Variants in LIPC observed in about 807,000 individuals in gnomAD.
The protein encoded by LIPC is hepatic triacylglycerol lipase.
LIPC carries 44 observed loss-of-function variants against 50.7 expected under a neutral mutation model. That is an observed-to-expected ratio of 0.87 (90% CI 0.68 to 1.11). The LOEUF (loss-of-function observed/expected upper bound fraction) is 1.11, where lower values mean the gene tolerates loss of function less well. Among genes scored for constraint, LIPC ranks in the 50% most tolerant of loss-of-function variants. The pLI is 0.00. For synonymous variants in LIPC, 271 were observed against 256.4 expected, an observed-to-expected ratio of 1.06 and a Z score of -0.54; for missense variants, 697 against 648.2, an observed-to-expected ratio of 1.08 and a Z score of -0.82.
At chr15:58,563,768 C>A in intron 8 of LIPC, 45 bp downstream of exon 8, 1 of 1,495,564 alleles carries the variant, frequency 6.7e-7, no homozygotes, top group Non-Finnish European at 9.2e-7. Flanking sequence ...TAAGCACCCA[C>A]TTGTGCCAGG....
intron 1 of LIPC, among the ~76,000 whole-genome samples, chr15:58,459,426 A>G (rs1254999557): frequency 5.5e-5 from 8 of 144,310 alleles, no homozygotes; most frequent in African/African-American, 2.1e-4. Flanking sequence ...TGTCCCTTAG[A>G]GAGCTCACAA....
intron 1 of LIPC, among the ~76,000 whole-genome samples, chr15:58,505,446 C>T (rs1892115762): frequency 6.6e-6 from 1 of 152,162 alleles, no homozygotes; most frequent in South Asian, 2.1e-4. Flanking sequence ...GGGCTCAACA[C>T]AAAGTGTGCT....
intron 1 of LIPC, among the ~76,000 whole-genome samples, chr15:58,468,018 T>C (rs369332726): frequency 1.3e-5 from 2 of 152,168 alleles, no homozygotes; most frequent in East Asian, 1.9e-4. Context: ...ACCCACTTCC[T>C]ATAAATGTTG....
At chr15:58,560,183 T>G (rs1225240856) in intron 6 of LIPC, among the ~76,000 whole-genome samples, 3 of 152,204 alleles carry the variant, frequency 2.0e-5, no homozygotes, top group East Asian at 1.9e-4. Context: ...CTGTATTAGG[T>G]AAAGAAGAAT....
chr15:58,568,956 G>A lies in LIPC; in HGVS notation c.*129G>A. On this transcript the variant is annotated 3_prime_UTR_variant, in exon 9 of 9. Transcript: ENST00000299022. Reference sequence around the variant, plus strand: ...CTTAAATAAAGTTTAGATTTAAGGGGGGTATGTTTCACTCTCATAAACTGA... The same window carrying A: ...CTTAAATAAAGTTTAGATTTAAGGGAGGTATGTTTCACTCTCATAAACTGA... The A allele has an allele frequency of 3.3e-6, 2 of 600,466 alleles. No individual in the cohort carries two copies. Among genetic ancestry groups the A allele is most frequent in the South Asian group, 4.5e-5 (2 of 44,150 alleles). 37.2% of individuals were successfully genotyped at this position (600,466 alleles called of 1,614,324 possible). A position where few individuals can be genotyped will look rare whatever the true frequency, so the allele number is the denominator to read the frequency against.
intron 1 of LIPC, among the ~76,000 whole-genome samples, chr15:58,481,174 C>G (rs1238784396): frequency 3.3e-5 from 5 of 152,186 alleles, no homozygotes; most frequent in African/African-American, 1.2e-4. Context: ...CGCTAAATAT[C>G]TTCCCATTTG....
rs773209112 is a variant in LIPC at position 58,548,449 on chromosome 15, C to A, written c.928C>A (p.Gln310Lys). 6.2e-7 allele frequency: 1 copy of A among 1,613,846 alleles called. No individual in the cohort carries two copies. Among genetic ancestry groups the A allele is most frequent in the Non-Finnish European group, 8.5e-7 (1 of 1,179,898 alleles). The change falls in exon 6 of 9, where the codon CAG (glutamine) becomes AAG (lysine). Residue 310 changes from glutamine to lysine, a missense_variant. Transcript: ENST00000299022. ...GTGTGGTGACATGAACAGCTTCAGC[C>A]AGGGCCTGTGCCTGAGCTGCAAGAA... ...YPCGDMNSFS[Q>K]GLCLSCKKGR...
intron 1 of LIPC, among the ~76,000 whole-genome samples, chr15:58,535,823 C>A (rs889561039): frequency 6.6e-6 from 1 of 152,208 alleles, no homozygotes; most frequent in Admixed American, 6.5e-5. Flanking sequence ...ATATGACCCT[C>A]TTAACATTTG....
chr15:58,501,090 C>T (rs1399733899), intron 1 of LIPC, among the ~76,000 whole-genome samples: 1 of 152,030 alleles, frequency 6.6e-6, no homozygotes, highest in Non-Finnish European at 1.5e-5. Flanking sequence ...CCTTTCACTC[C>T]CTCATTTGAT....
intron 1 of LIPC, among the ~76,000 whole-genome samples, chr15:58,448,630 C>T (rs1893787785): frequency 6.6e-6 from 1 of 152,220 alleles, no homozygotes; most frequent in Admixed American, 6.5e-5. Context: ...TGGGCCTTCA[C>T]CATATGCCAG....
At chr15:58,485,385 G>A (rs144125882) in intron 1 of LIPC, among the ~76,000 whole-genome samples, 73 of 152,300 alleles carry the variant, frequency 4.8e-4, no homozygotes, top group African/African-American at 1.7e-3. Context: ...TATTCACAGG[G>A]TCGGGAAGCA....
At chr15:58,480,156 C>T (rs772374015) in intron 1 of LIPC, among the ~76,000 whole-genome samples, 5 of 152,196 alleles carry the variant, frequency 3.3e-5, no homozygotes, top group South Asian at 2.1e-4. Context: ...TGAAATCTTA[C>T]GCATTCTTCA....
intron 1 of LIPC, among the ~76,000 whole-genome samples, chr15:58,485,186 G>A (rs552931543): frequency 9.8e-5 from 15 of 152,304 alleles, no homozygotes; most frequent in African/African-American, 3.1e-4. Context: ...AGAGGACGGC[G>A]GGGTTAAGCA....
intron 1 of LIPC, among the ~76,000 whole-genome samples, chr15:58,485,472 C>T (rs1595888237): frequency 6.6e-6 from 1 of 152,166 alleles, no homozygotes; most frequent in South Asian, 2.1e-4. Flanking sequence ...GTTCATCACT[C>T]CCCTGGCTCT....
At chr15:58,448,009 C>A (rs1448750608) in intron 1 of LIPC, among the ~76,000 whole-genome samples, 1 of 152,148 alleles carries the variant, frequency 6.6e-6, no homozygotes, top group Non-Finnish European at 1.5e-5. Context: ...TAAGTGGGAC[C>A]TAAAAAGTTA....
chr15:58,568,827 A>G lies in LIPC; in HGVS notation c.1500A>G (p.Ter500TrpextTer10). 6.5e-7 allele frequency: 1 copy of G among 1,550,208 alleles called. No individual in the cohort carries two copies. Among genetic ancestry groups the G allele is most frequent in the South Asian group, 1.1e-5 (1 of 88,584 alleles). ...KSKTSKRKIR[*>W] ...AAACATCAAAGCGAAAGATCAGATG[A>G]GATTTAATGAAGACCCAGTGTAAAG... Residue 500 changes from the stop codon to tryptophan, a stop_lost, in exon 9 of 9, where the codon TGA becomes TGG. Transcript: ENST00000299022.
chr15:58,451,660 C>T (rs1413745516), intron 1 of LIPC, among the ~76,000 whole-genome samples: 1 of 152,194 alleles, frequency 6.6e-6, no homozygotes, highest in African/African-American at 2.4e-5. Context: ...ATCAACTTTA[C>T]CCAAACAGGA....
intron 1 of LIPC, among the ~76,000 whole-genome samples, chr15:58,518,898 ACT>A (rs1485001381): frequency 6.6e-6 from 1 of 151,436 alleles, no homozygotes; most frequent in East Asian, 1.9e-4. Flanking sequence ...CATAATAGAC[ACT>A]CACAACACTC....
At chr15:58,552,645 C>T (rs1276227184) in intron 6 of LIPC, among the ~76,000 whole-genome samples, 1 of 152,220 alleles carries the variant, frequency 6.6e-6, no homozygotes, top group African/African-American at 2.4e-5. Context: ...CCTTGCTGGT[C>T]GGCGAGATGA....
Sources: gnomAD v4.1 joint callset for allele counts (sites outside exome capture counted in the v4.1 genomes callset) on GRCh38, gnomAD v4.1.1 for gene constraint, MANE v1.5 for transcripts, NCBI Gene and HGNC (gene_info 2026-07-23, HGNC 2026-07-21) for gene names.